SPATA7: variants seen among roughly 807,000 people sequenced by gnomAD.
SPATA7 encodes spermatogenesis-associated protein 7.
In SPATA7, 43 loss-of-function variants were observed where a neutral mutation model predicts 51.8. The observed-to-expected ratio is 0.83, with a 90% confidence interval of 0.65 to 1.07. The LOEUF (loss-of-function observed/expected upper bound fraction) is 1.07, where lower values mean the gene tolerates loss of function less well. Ranked by LOEUF, SPATA7 falls within the 50% of genes least tolerant of loss-of-function variation. The pLI is 0.00. For synonymous variants in SPATA7, 230 were observed against 252.8 expected (o/e 0.91, Z 0.86); for missense variants, 683 against 701.3 (o/e 0.97, Z 0.30).
chr14:88,396,845 A>G (rs1195666702), intron 4 of SPATA7, among the ~76,000 whole-genome samples: 2 of 149,604 alleles, frequency 1.3e-5, no homozygotes, highest in Non-Finnish European at 3.0e-5. Flanking sequence ...TTGAGAAACT[A>G]CCATACTATT....
At chr14:88,408,823 G>A (rs571169758) in intron 4 of SPATA7, among the ~76,000 whole-genome samples, 1 of 152,274 alleles carries the variant, frequency 6.6e-6, no homozygotes, top group Non-Finnish European at 1.5e-5. Context: ...ATGAAGCGCT[G>A]TTGAATTTTG....
intron 10 of SPATA7, among the ~76,000 whole-genome samples, chr14:88,434,642 C>T (rs2747081): frequency 0.55 from 81,697 of 148,744 alleles, 24,670 homozygotes; most frequent in Middle Eastern, 0.7. Flanking sequence ...GCTGAGATCG[C>T]GCCACCGCAC....
chr14:88,398,451 G>A lies in SPATA7; in HGVS notation c.238+2248G>A, dbSNP rs370070602. Among the ~76,000 whole-genome samples, 922 of 140,582 alleles carry A rather than the reference G, an allele frequency of 6.6e-3. 10 individuals carry two copies. The highest frequency in any genetic ancestry group is 0.024 in the African/African-American group (891 of 37,648). The allele number at this position is 140,582 out of a possible 152,430, so 92.2% of individuals were successfully genotyped here. A position where few individuals can be genotyped will look rare whatever the true frequency, so the allele number is the denominator to read the frequency against. On this transcript the variant is annotated intron_variant, in intron 4 of 11. Transcript: ENST00000393545. ...CAATGAGATCACATGGACACAGGAA[G>A]GGGAACATCACACTCTGGGGACTGT...
intron 3 of SPATA7, among the ~76,000 whole-genome samples, chr14:88,451,937 G>T (rs550422608): frequency 1.3e-5 from 2 of 152,074 alleles, no homozygotes. Context: ...TAGAGATTTT[G>T]TCTTGGTTTG....
chr14:88,388,007 C>G (rs2075629804), intron 1 of SPATA7, among the ~76,000 whole-genome samples: 1 of 152,058 alleles, frequency 6.6e-6, no homozygotes, highest in South Asian at 2.1e-4. Flanking sequence ...TTGAGACCAG[C>G]CTGGGCAACA....
chr14:88,437,529 T>A lies in SPATA7; in HGVS notation c.1161-14T>A, dbSNP rs947040478. 6.3e-7 allele frequency: 1 copy of A among 1,594,164 alleles called. No individual in the cohort carries two copies. Among genetic ancestry groups the A allele is most frequent in the Non-Finnish European group, 8.6e-7 (1 of 1,163,430 alleles). On this transcript the variant is annotated splice_polypyrimidine_tract_variant and intron_variant, in intron 10 of 11. Transcript: ENST00000393545. ...TGATTTTGAGACATTAACATTTTTG[T>A]TTATCATTTGTAGGTTTTTAGAACG...
downstream of SPATA7, among the ~76,000 whole-genome samples, chr14:88,455,555 C>G (rs946546994): frequency 7.9e-5 from 12 of 152,154 alleles, no homozygotes; most frequent in Non-Finnish European, 1.3e-4. Context: ...ACCCTTCAAG[C>G]CTTTTTGCCC....
At chr14:88,452,148 A>T (rs891923661) in intron 3 of SPATA7, among the ~76,000 whole-genome samples, 1 of 152,082 alleles carries the variant, frequency 6.6e-6, no homozygotes, top group African/African-American at 2.4e-5. Context: ...TTCCCTAGGG[A>T]TGGCATGTCT....
intron 7 of SPATA7, chr14:88,428,859 T>A (rs2076865838): frequency 6.1e-6 from 1 of 164,732 alleles, no homozygotes; most frequent in South Asian, 1.6e-4. Context: ...AATCTAATGA[T>A]GTGAGTAAAT....
At chr14:88,449,014 C>G (rs960433276) in intron 3 of SPATA7, among the ~76,000 whole-genome samples, 9 of 152,090 alleles carry the variant, frequency 5.9e-5, no homozygotes, top group Non-Finnish European at 1.0e-4. Context: ...AAAGAACCAG[C>G]TCTTTGTTTA....
At chr14:88,447,675 G>A (rs544071909) in intron 3 of SPATA7, among the ~76,000 whole-genome samples, 84 of 151,828 alleles carry the variant, frequency 5.5e-4, no homozygotes, top group African/African-American at 1.7e-3. Context: ...TTTAGGGCAG[G>A]CCTGGTGGTG....
downstream of SPATA7, among the ~76,000 whole-genome samples, chr14:88,442,734 G>A (rs59391571): frequency 0.026 from 3,962 of 152,052 alleles, 183 homozygotes; most frequent in African/African-American, 0.09. Flanking sequence ...CATCAGGGAT[G>A]TTGGTCCATA....
intron 5 of SPATA7, among the ~76,000 whole-genome samples, chr14:88,418,098 T>C (rs1283999667): frequency 1.3e-5 from 2 of 152,200 alleles, no homozygotes; most frequent in East Asian, 3.8e-4. Context: ...GAATATGTAT[T>C]ATTTCCCCTT....
rs761981554 is a variant in SPATA7, at chr14:88,426,705, G to A, written c.845+1G>A. The stretch of plus-strand genomic sequence containing the variant: ...AAGCTGAAACCCAGACTGAATTAAG[G>A]TATGACACATCAGCAACCAACAGTA... On this transcript the variant is annotated splice_donor_variant, in intron 6 of 11. Coordinates refer to ENST00000393545, the MANE Select transcript of SPATA7 (RefSeq NM_018418.5). LOFTEE classifies it high-confidence loss of function. 1.2e-6 allele frequency: 2 copies of A among 1,607,878 alleles called. No homozygotes were observed. The highest frequency in any genetic ancestry group is 1.7e-6 in the Non-Finnish European group (2 of 1,176,686).
chr14:88,465,784 GGATA>G (rs1473942563), intron 4 of SPATA7: 1 of 152,104 alleles, frequency 6.6e-6, no homozygotes, highest in Non-Finnish European at 1.5e-5. Flanking sequence ...TCAGTAATGT[GGATA>G]GATTTTTATT....
At chr14:88,402,490 A>G (rs935465115) in intron 4 of SPATA7, among the ~76,000 whole-genome samples, 1 of 152,210 alleles carries the variant, frequency 6.6e-6, no homozygotes, top group Non-Finnish European at 1.5e-5. Flanking sequence ...AAATAAATCC[A>G]TGTGTTTATA....
At chr14:88,443,322 C>T (rs2077190303), downstream of SPATA7, among the ~76,000 whole-genome samples, 3 of 152,202 alleles carry the variant, frequency 2.0e-5, no homozygotes, top group South Asian at 6.2e-4. Flanking sequence ...CTGTTTCTTC[C>T]TGTTTAATCT....
intron 6 of SPATA7, 115 bp downstream of exon 6, chr14:88,426,819 T>C: frequency 2.2e-6 from 2 of 921,368 alleles, no homozygotes; most frequent in Non-Finnish European, 3.4e-6. Flanking sequence ...CCCTTTTGAT[T>C]GGAATGAGAT....
chr14:88,468,938 A>G lies in SPATA7; in HGVS notation c.255-909A>G, dbSNP rs1442575504. On this transcript the variant is annotated intron_variant, in intron 4 of 4. Transcript: ENST00000556406. ...CACCTCATTGTGTTCCAGGCAGGCG[A>G]TCATGATCTCCGACAAAATCACCAC... 1 of 1,614,184 alleles carries G rather than the reference A, an allele frequency of 6.2e-7. No homozygotes were observed.
Sources: allele counts gnomAD v4.1 joint callset (sites outside exome capture counted in the v4.1 genomes callset), GRCh38; gene constraint gnomAD v4.1.1; transcripts MANE v1.5; gene names NCBI Gene and HGNC (gene_info 2026-07-23, HGNC 2026-07-21).